NPLOC4: variants seen among roughly 807,000 people sequenced by gnomAD.
NPLOC4 encodes nuclear protein localization protein 4 homolog.
Under a neutral mutation model 80.6 loss-of-function variants are expected in NPLOC4, and 18 were observed. The ratio of observed to expected loss-of-function variants is 0.22; its 90% confidence interval spans 0.15 to 0.33. The LOEUF is 0.33. Among genes scored for constraint, NPLOC4 ranks in the 10% least tolerant of loss-of-function variants. The probability of loss-of-function intolerance (pLI) is 1.00; values close to 1 mark genes in which losing one functional copy is unlikely to be tolerated. For synonymous variants in NPLOC4, 313 were observed against 301.5 expected (o/e 1.04, Z -0.39); for missense variants, 540 against 786.1 (o/e 0.69, Z 3.74).
chr17:81,602,349 C>T (rs184914312), intron 8 of NPLOC4, among the ~76,000 whole-genome samples: 65 of 152,070 alleles, frequency 4.3e-4, no homozygotes, highest in Non-Finnish European at 8.8e-4. Context: ...GAGTTTGAGA[C>T]CAGCGTGGGC....
At chr17:81,594,370 A>T (rs1437833372) in intron 11 of NPLOC4, among the ~76,000 whole-genome samples, 2 of 151,978 alleles carry the variant, frequency 1.3e-5, no homozygotes, top group South Asian at 2.1e-4. Flanking sequence ...TTAACGTGTG[A>T]AAGATGCCTA....
chr17:81,613,141 A>G, intron 4 of NPLOC4, 177 bp downstream of exon 4: 1 of 548,906 alleles, frequency 1.8e-6, no homozygotes, highest in Non-Finnish European at 2.9e-6. Flanking sequence ...AAAAAAAAAC[A>G]AAAACCGATA....
rs1296785984 is a variant in NPLOC4, at chr17:81,559,294, C to T, written c.1792G>A (p.Gly598Ser). ...GGGAGGCTGCACATCTCGCAGTGGC[C>T]TGTGCCTGGCTGGTTCATGAACGTG... Reference protein sequence around the residue: ...HCTFMNQPGTGHCEMCSLPRT With the variant: ...HCTFMNQPGTSHCEMCSLPRT Residue 598 changes from glycine to serine, a missense_variant, in exon 17 of 17, where the codon GGC becomes AGC. By Grantham distance (56) the Gly-to-Ser change is moderately conservative (BLOSUM62 0). Coordinates refer to ENST00000331134, the MANE Select transcript of NPLOC4 (RefSeq NM_017921.4). 6.2e-7 allele frequency: 1 copy of T among 1,605,656 alleles called. No homozygotes were observed. Among genetic ancestry groups the T allele is most frequent in the Admixed American group, 1.7e-5 (1 of 58,656 alleles).
chr17:81,617,049 T>C (rs1001045124), intron 3 of NPLOC4, among the ~76,000 whole-genome samples: 1 of 152,046 alleles, frequency 6.6e-6, no homozygotes, highest in African/African-American at 2.4e-5. Flanking sequence ...GGGGCAGGGA[T>C]ACAAGTGGGG....
chr17:81,576,964 C>T (rs572356612), intron 12 of NPLOC4, among the ~76,000 whole-genome samples: 71 of 152,290 alleles, frequency 4.7e-4, no homozygotes, highest in African/African-American at 1.6e-3. Flanking sequence ...TAGTAAGCTT[C>T]GGCAACATAA....
rs566170101 is a variant in NPLOC4, at chr17:81,626,387, T to G, written c.96+3338A>C. Among the ~76,000 whole-genome samples, 3 of 151,180 alleles carry G rather than the reference T, an allele frequency of 2.0e-5. No homozygotes were observed. In the East Asian group the frequency reaches 5.8e-4, roughly 29 times the overall value. ...TAAGAGTGGGGAAAACCCCAAAATT[T>G]AATGAAAAACATCAAATAGCAACTC... On this transcript the variant is annotated intron_variant, in intron 2 of 16. Coordinates refer to ENST00000331134, the MANE Select transcript of NPLOC4 (RefSeq NM_017921.4).
intron 5 of NPLOC4, among the ~76,000 whole-genome samples, chr17:81,609,785 G>A (rs1199618238): frequency 6.6e-6 from 1 of 152,202 alleles, no homozygotes; most frequent in Non-Finnish European, 1.5e-5. Context: ...TGTAAACCCA[G>A]CATTAACAGT....
At chr17:81,585,170 C>CAAAAAAAA (rs35473939) in intron 12 of NPLOC4, among the ~76,000 whole-genome samples, 8 of 40,870 alleles carry the variant, frequency 2.0e-4, no homozygotes, top group Admixed American at 4.6e-4. Flanking sequence ...ACTCTGTCGC[C>CAAAAAAAA]AAAAAAAAAA....
rs1028218719 is a variant in NPLOC4 at position 81,557,888 on chromosome 17, A to C, written c.*1371T>G. 2 of 152,298 alleles carry C rather than the reference A, an allele frequency of 1.3e-5. No homozygotes were observed. Among genetic ancestry groups the C allele is most frequent in the African/African-American group, 2.4e-5 (1 of 41,448 alleles). 9.4% of individuals were successfully genotyped at this position (152,298 alleles called of 1,614,324 possible). A position where few individuals can be genotyped will look rare whatever the true frequency, so the allele number is the denominator to read the frequency against. ...GGAGGTGTCAGCCATGGCCCTGACC[A>C]CTTCAGAAGCCAACAGGCAAATGTT... On this transcript the variant is annotated 3_prime_UTR_variant, in exon 17 of 17. Transcript: ENST00000331134.
At chr17:81,611,630 G>A (rs553056425) in intron 4 of NPLOC4, among the ~76,000 whole-genome samples, 1 of 151,936 alleles carries the variant, frequency 6.6e-6, no homozygotes, top group East Asian at 2.0e-4. Context: ...GATTACAGGT[G>A]TGAGCAACTG....
At chr17:81,576,473 A>G (rs1281195941) in intron 12 of NPLOC4, among the ~76,000 whole-genome samples, 1 of 152,170 alleles carries the variant, frequency 6.6e-6, no homozygotes, top group East Asian at 1.9e-4. Flanking sequence ...GCGTGAGTGC[A>G]TGTGGACTTG....
rs537744354 is a variant in NPLOC4, at chr17:81,608,386, GCA to G, written c.530+340_530+341del. Among the ~76,000 whole-genome samples, 255 of 152,336 alleles carry G rather than the reference GCA, an allele frequency of 1.7e-3. 1 individual carries two copies. The highest frequency in any genetic ancestry group is 2.7e-3 in the Admixed American group (41 of 15,298). On this transcript the variant is annotated intron_variant, in intron 6 of 16. Coordinates refer to ENST00000331134, the MANE Select transcript of NPLOC4 (RefSeq NM_017921.4). ...ACTGTGGCCACGCAGCCAGGCGCCT[GCA>G]CAGTCGCTCTGCCTTGCTAGCTCCC...
intron 12 of NPLOC4, among the ~76,000 whole-genome samples, chr17:81,582,427 A>T (rs1400065895): frequency 1.3e-5 from 2 of 152,044 alleles, no homozygotes; most frequent in Non-Finnish European, 2.9e-5. Flanking sequence ...TTTTTGGAGG[A>T]GTCTTGTTCT....
Position 81,613,401 on chromosome 17 carries a change from G to T in NPLOC4, c.303C>A (p.Gly101=). Residue 101 remains glycine (G), a synonymous_variant, in exon 4 of 17, where the codon GGC becomes GGA. Coordinates refer to ENST00000331134, the MANE Select transcript of NPLOC4 (RefSeq NM_017921.4). Reference sequence around the variant, plus strand: ...TCTCATCCTCCACCACGTTGGGAGCGCCAAAGACTTTGAAGCCCGGTGGAA... The same window carrying T: ...TCTCATCCTCCACCACGTTGGGAGCTCCAAAGACTTTGAAGCCCGGTGGAA... The part of the protein sequence containing the change: ...TSVPPGFKVF[G]APNVVEDEID... The T allele has an allele frequency of 6.2e-7, 1 of 1,613,928 alleles. No homozygotes were observed. Among genetic ancestry groups the T allele is most frequent in the East Asian group, 2.2e-5 (1 of 44,884 alleles).
At chr17:81,594,204 G>A (rs1396062366) in intron 11 of NPLOC4, among the ~76,000 whole-genome samples, 1 of 147,156 alleles carries the variant, frequency 6.8e-6, no homozygotes, top group Admixed American at 6.9e-5. Context: ...GAACCCGGGA[G>A]GTGGAGCTTG....
chr17:81,591,195 G>T (rs2034727980), intron 11 of NPLOC4, among the ~76,000 whole-genome samples: 1 of 152,232 alleles, frequency 6.6e-6, no homozygotes, highest in Non-Finnish European at 1.5e-5. Flanking sequence ...AGCACTTTGG[G>T]AGGCCGAGGC....
chr17:81,612,992 C>G (rs1233239076), intron 4 of NPLOC4: 1 of 198,384 alleles, frequency 5.0e-6, no homozygotes, highest in Non-Finnish European at 1.0e-5. Flanking sequence ...CGGGAATCAG[C>G]ATCTCCAGGG....
intron 4 of NPLOC4, among the ~76,000 whole-genome samples, chr17:81,611,828 C>T (rs1294001942): frequency 3.3e-5 from 5 of 151,196 alleles, no homozygotes; most frequent in South Asian, 2.1e-4. Context: ...GGCGTGGTGG[C>T]GGGCGCCTGT....
At chr17:81,615,100 C>CTTTCTTTTTTTT (rs749807551) in intron 3 of NPLOC4, among the ~76,000 whole-genome samples, 3 of 133,574 alleles carry the variant, frequency 2.2e-5, no homozygotes, top group Non-Finnish European at 3.1e-5. Context: ...ACGTCTGTTT[C>CTTTCTTTTTTTT]TTTTTTTTTT....
Sources: allele counts gnomAD v4.1 joint callset (sites outside exome capture counted in the v4.1 genomes callset), GRCh38; gene constraint gnomAD v4.1.1; transcripts MANE v1.5; gene names NCBI Gene and HGNC (gene_info 2026-07-23, HGNC 2026-07-21).